GABRG3: variants seen among roughly 807,000 people sequenced by gnomAD.
The protein encoded by GABRG3 is gamma-aminobutyric acid receptor subunit gamma-3.
Under a neutral mutation model 48.8 loss-of-function variants are expected in GABRG3, and 25 were observed. That is an observed-to-expected ratio of 0.51 (90% CI 0.37 to 0.72). The LOEUF (loss-of-function observed/expected upper bound fraction) is 0.72. GABRG3 is among the 30% of genes least tolerant of loss of function. The probability of loss-of-function intolerance (pLI) is 0.00; values close to 1 mark genes in which losing one functional copy is unlikely to be tolerated. For synonymous variants in GABRG3, 227 were observed against 217.6 expected, an observed-to-expected ratio of 1.04 and a Z score of -0.38; for missense variants, 394 against 577.9, an observed-to-expected ratio of 0.68 and a Z score of 3.26.
intron 4 of GABRG3, among the ~76,000 whole-genome samples, chr15:27,327,890 C>T (rs1397046185): frequency 1.3e-5 from 2 of 152,136 alleles, no homozygotes; most frequent in African/African-American, 4.8e-5. Flanking sequence ...CTTTACTCTC[C>T]TTACCCATCC....
intron 6 of GABRG3, among the ~76,000 whole-genome samples, chr15:27,510,124 G>A (rs568482061): frequency 3.9e-5 from 6 of 152,202 alleles, no homozygotes; most frequent in African/African-American, 1.4e-4. Flanking sequence ...CTTTTCCCAG[G>A]GAACATCTGT....
intron 6 of GABRG3, among the ~76,000 whole-genome samples, chr15:27,508,344 G>A (rs1157213264): frequency 6.6e-6 from 1 of 152,044 alleles, no homozygotes; most frequent in Non-Finnish European, 1.5e-5. Flanking sequence ...AATAATCTGA[G>A]TTGACCTCCA....
chr15:27,054,339 C>T (rs926852883), intron 3 of GABRG3, among the ~76,000 whole-genome samples: 2 of 152,024 alleles, frequency 1.3e-5, no homozygotes, highest in Non-Finnish European at 2.9e-5. Context: ...GAGATGGGAC[C>T]GATCAAAGCC....
chr15:27,061,444 C>G (rs937197000), intron 3 of GABRG3, among the ~76,000 whole-genome samples: 32 of 118,070 alleles, frequency 2.7e-4, no homozygotes, highest in African/African-American at 7.8e-4. Flanking sequence ...GAGGTAACTG[C>G]TCTTTTTTTT....
chr15:27,391,481 T>C (rs1164831907), intron 5 of GABRG3, among the ~76,000 whole-genome samples: 1 of 152,096 alleles, frequency 6.6e-6, no homozygotes. Context: ...AATAATAATA[T>C]TTAATGCCGA....
At chr15:27,299,010 ATGG>A (rs1415097974) in intron 3 of GABRG3, among the ~76,000 whole-genome samples, 1 of 152,344 alleles carries the variant, frequency 6.6e-6, no homozygotes, top group South Asian at 2.1e-4. Context: ...ACATGGCCAC[ATGG>A]TGGCTCACAT....
At chr15:27,464,174 C>A (rs1371820637) in intron 5 of GABRG3, among the ~76,000 whole-genome samples, 2 of 152,102 alleles carry the variant, frequency 1.3e-5, no homozygotes, top group African/African-American at 4.8e-5. Flanking sequence ...TTAGTATATT[C>A]ACAGAATTGC....
chr15:27,006,284 C>G (rs1245538760), intron 2 of GABRG3, among the ~76,000 whole-genome samples: 6 of 152,100 alleles, frequency 3.9e-5, no homozygotes, highest in African/African-American at 1.4e-4. Context: ...TCATTGCAAC[C>G]TCTGCCTCCT....
intron 5 of GABRG3, among the ~76,000 whole-genome samples, chr15:27,345,821 A>G (rs1001789357): frequency 6.6e-6 from 1 of 152,076 alleles, no homozygotes; most frequent in African/African-American, 2.4e-5. Flanking sequence ...TGGGAGGCCG[A>G]GGCAGGGGGA....
chr15:27,165,339 C>T (rs555375408), intron 3 of GABRG3, among the ~76,000 whole-genome samples: 10 of 152,282 alleles, frequency 6.6e-5, no homozygotes, highest in Middle Eastern at 3.4e-3. Context: ...CTGATCCCCA[C>T]CAAGCACACA....
intron 3 of GABRG3, among the ~76,000 whole-genome samples, chr15:27,155,059 C>T (rs1898393979): frequency 6.6e-6 from 1 of 151,904 alleles, no homozygotes; most frequent in Non-Finnish European, 1.5e-5. Flanking sequence ...CTCTGAGGCT[C>T]TGTTTATTTT....
chr15:27,392,044 T>C (rs1172589187), intron 5 of GABRG3, among the ~76,000 whole-genome samples: 1 of 152,200 alleles, frequency 6.6e-6, no homozygotes, highest in East Asian at 1.9e-4. Context: ...TTAAAAATGA[T>C]CTTTGTATTT....
At chr15:27,124,508 A>C (rs1436573337) in intron 3 of GABRG3, among the ~76,000 whole-genome samples, 1 of 152,176 alleles carries the variant, frequency 6.6e-6, no homozygotes, top group African/African-American at 2.4e-5. Context: ...TTACAGTGTG[A>C]TCCGGGGAAA....
intron 3 of GABRG3, among the ~76,000 whole-genome samples, chr15:27,199,218 G>GT (rs1888604096): frequency 6.6e-6 from 1 of 152,172 alleles, no homozygotes; most frequent in Admixed American, 6.5e-5. Flanking sequence ...AGACTGCTTT[G>GT]TTTTTTATTG....
At chr15:27,322,176 G>A (rs1893449370) in intron 3 of GABRG3, among the ~76,000 whole-genome samples, 1 of 152,168 alleles carries the variant, frequency 6.6e-6, no homozygotes. Context: ...TTCTATGTGG[G>A]TGGGAAGTGT....
chr15:27,424,552 C>CTTT (rs534239781), intron 5 of GABRG3, among the ~76,000 whole-genome samples: 3 of 133,606 alleles, frequency 2.2e-5, no homozygotes, highest in Non-Finnish European at 3.2e-5. Flanking sequence ...AAGGTTTCAC[C>CTTT]TTTTTTTTTT....
intron 5 of GABRG3, chr15:27,363,635 A>G (rs1895095939): frequency 1.3e-5 from 2 of 152,250 alleles, no homozygotes; most frequent in African/African-American, 4.8e-5. Context: ...AGGAGCCATG[A>G]CAGCCCTTCA....
chr15:27,437,407 G>C (rs188317216), intron 5 of GABRG3, among the ~76,000 whole-genome samples: 1 of 152,248 alleles, frequency 6.6e-6, no homozygotes, highest in Admixed American at 6.5e-5. Flanking sequence ...AGATTGGTTG[G>C]AATTCCATTT....
intron 3 of GABRG3, among the ~76,000 whole-genome samples, chr15:27,285,549 TATAAC>T (rs1422417361): frequency 3.3e-5 from 5 of 152,176 alleles, no homozygotes; most frequent in African/African-American, 1.2e-4. Flanking sequence ...CAATAAAAGT[TATAAC>T]AAATAGAAAA....
Sources: gnomAD v4.1 joint callset for allele counts (sites outside exome capture counted in the v4.1 genomes callset) on GRCh38, gnomAD v4.1.1 for gene constraint, MANE v1.5 for transcripts, NCBI Gene and HGNC (gene_info 2026-07-23, HGNC 2026-07-21) for gene names.